FSHR: variants seen among roughly 807,000 people sequenced by gnomAD.
The protein encoded by FSHR is follicle-stimulating hormone receptor.
A neutral mutation model predicts 52.1 loss-of-function variants in FSHR; 46 were observed. The observed-to-expected ratio is 0.88, with a 90% CI of 0.70 to 1.13. The LOEUF is 1.13. Ranked by LOEUF, FSHR falls within the 50% of genes most tolerant of loss-of-function variation. The pLI is 0.00. For missense variants in FSHR, 964 were observed against 834.6 expected (o/e 1.16, Z -1.91); for synonymous variants, 399 against 309.6 (o/e 1.29, Z -3.03).
Position 48,962,865 on chromosome 2 carries a change from T to C in FSHR, c.1956A>G (p.Gln652=). The change falls in exon 10 of 10, where the codon CAA becomes CAG. Residue 652 remains glutamine (Q), a synonymous_variant. Transcript: ENST00000406846. ...TGGATGAAGTTTCTGTCCTATAAAT[T>C]TGGGCTTGCATTTCATAGCAGCCAC... is the stretch of plus-strand genomic sequence containing the variant. ...SKCGCYEMQA[Q]IYRTETSSTV... The C allele has an allele frequency of 6.2e-7, 1 of 1,614,114 alleles. No individual in the cohort carries two copies. Among genetic ancestry groups the C allele is most frequent in the Non-Finnish European group, 8.5e-7 (1 of 1,180,008 alleles).
intron 1 of FSHR, among the ~76,000 whole-genome samples, chr2:49,075,737 G>T (rs1266265122): frequency 6.6e-6 from 1 of 151,744 alleles, no homozygotes; most frequent in Non-Finnish European, 1.5e-5. Flanking sequence ...AATTGATCCT[G>T]CCCCCTCAAC....
At position 49,077,569 on chromosome 2, in the gene FSHR, A is replaced by G. The variant is rs1219076053; in HGVS notation, c.153-9279T>C. On this transcript the variant is annotated intron_variant, in intron 1 of 9. Coordinates refer to ENST00000406846, the MANE Select transcript of FSHR (RefSeq NM_000145.4). ...AGCTGCTTGTTACTTACGCAAATTT[A>G]CGCAGCCAGCTTGACTATTTCCTCA... 3.3e-5 allele frequency among the ~76,000 whole-genome samples: 5 copies of G among 152,270 alleles called. No individual in the cohort carries two copies. In the East Asian group the frequency reaches 9.7e-4, roughly 29 times the overall value.
At chr2:49,016,561 G>T (rs1250016478) in intron 4 of FSHR, among the ~76,000 whole-genome samples, 1 of 152,144 alleles carries the variant, frequency 6.6e-6, no homozygotes, top group African/African-American at 2.4e-5. Flanking sequence ...GCCATCCAGA[G>T]TGGCCAACAT....
intron 2 of FSHR, among the ~76,000 whole-genome samples, chr2:49,024,594 T>C (rs1484737818): frequency 6.6e-6 from 1 of 152,078 alleles, no homozygotes; most frequent in East Asian, 1.9e-4. Flanking sequence ...ACAATAAAAA[T>C]AAAAGAATAA....
chr2:49,119,935 TG>T (rs1671748507), intron 1 of FSHR, among the ~76,000 whole-genome samples: 1 of 152,146 alleles, frequency 6.6e-6, no homozygotes, highest in South Asian at 2.1e-4. Flanking sequence ...GTACAGCAAG[TG>T]GCAGTGGCAG....
At chr2:49,090,954 AT>A (rs1178245927) in intron 1 of FSHR, among the ~76,000 whole-genome samples, 7 of 151,692 alleles carry the variant, frequency 4.6e-5, no homozygotes, top group East Asian at 1.9e-4. Context: ...GATTAAAAAA[AT>A]TTTTTTTCTT....
intron 1 of FSHR, among the ~76,000 whole-genome samples, chr2:49,087,164 A>T (rs1273183966): frequency 6.7e-6 from 1 of 149,924 alleles, no homozygotes; most frequent in African/African-American, 2.5e-5. Flanking sequence ...GAATAACAAC[A>T]CAAATAAACA....
chr2:48,982,836 C>T (rs192305842), intron 8 of FSHR, 76 bp downstream of exon 8: 210 of 1,266,670 alleles, frequency 1.7e-4, no homozygotes, highest in Non-Finnish European at 6.0e-5. Context: ...GGAAGCTTCT[C>T]CCCTAGCTGC....
chr2:49,075,421 A>T (rs1558426340), intron 1 of FSHR, among the ~76,000 whole-genome samples: 1 of 149,084 alleles, frequency 6.7e-6, no homozygotes, highest in Non-Finnish European at 1.5e-5. Context: ...AAGAATAAAA[A>T]TTCATTAAAA....
intron 1 of FSHR, among the ~76,000 whole-genome samples, chr2:49,075,150 A>C (rs1669901292): frequency 1.3e-5 from 2 of 152,264 alleles, no homozygotes; most frequent in South Asian, 4.1e-4. Flanking sequence ...TATAGTTAAC[A>C]ATAATATATA....
chr2:49,086,558 C>T (rs535746451), intron 1 of FSHR, among the ~76,000 whole-genome samples: 81 of 152,280 alleles, frequency 5.3e-4, no homozygotes, highest in South Asian at 5.2e-3. Flanking sequence ...TAATCACCTG[C>T]GGAAGATTTT....
chr2:49,071,351 A>G (rs903573200), intron 1 of FSHR, among the ~76,000 whole-genome samples: 7 of 152,192 alleles, frequency 4.6e-5, no homozygotes, highest in Non-Finnish European at 7.3e-5. Context: ...CAAATAAAAA[A>G]TAATTAGAAA....
At chr2:49,082,462 G>A (rs6756514) in intron 1 of FSHR, among the ~76,000 whole-genome samples, 6,270 of 152,268 alleles carry the variant, frequency 0.041, 430 homozygotes, top group African/African-American at 0.14. Context: ...AAGGAACGCA[G>A]TTCCTCACCA....
intron 1 of FSHR, among the ~76,000 whole-genome samples, chr2:49,089,581 A>T (rs2103685801): frequency 6.6e-6 from 1 of 152,316 alleles, no homozygotes; most frequent in Non-Finnish European, 1.5e-5. Flanking sequence ...ACCGCGTGTA[A>T]CAAAACAACA....
intron 2 of FSHR, among the ~76,000 whole-genome samples, chr2:49,054,126 G>T (rs1558413394): frequency 6.6e-6 from 1 of 152,126 alleles, no homozygotes; most frequent in Non-Finnish European, 1.5e-5. Context: ...CAGAGAATTT[G>T]ATCTGTTTAA....
intron 1 of FSHR, among the ~76,000 whole-genome samples, chr2:49,090,035 G>A (rs1670542603): frequency 1.3e-5 from 2 of 152,078 alleles, no homozygotes; most frequent in Non-Finnish European, 2.9e-5. Flanking sequence ...CATTTTCCAG[G>A]GTTGTTTATC....
intron 2 of FSHR, among the ~76,000 whole-genome samples, chr2:49,065,007 C>A (rs1455898029): frequency 6.6e-6 from 1 of 152,126 alleles, no homozygotes; most frequent in African/African-American, 2.4e-5. Flanking sequence ...TTTGTTGATT[C>A]ATTCCCCTGC....
rs1301971448 is a variant in FSHR at position 48,990,644 on chromosome 2, A to G, written c.375-7T>C. ...ACCTGTGTTGGATATTAACCTAGAG[A>G]GAAACAAAATGAGAGTGAGTGAAAA... On this transcript the variant is annotated splice_polypyrimidine_tract_variant and splice_region_variant and intron_variant, in intron 4 of 9. Coordinates refer to ENST00000406846, the MANE Select transcript of FSHR (RefSeq NM_000145.4). 4 of 1,574,904 alleles carry G rather than the reference A, an allele frequency of 2.5e-6. No homozygotes were observed. Among genetic ancestry groups the G allele is most frequent in the South Asian group, 1.1e-5 (1 of 90,296 alleles).
intron 1 of FSHR, among the ~76,000 whole-genome samples, chr2:49,097,768 G>A (rs1037171155): frequency 3.9e-5 from 6 of 152,274 alleles, no homozygotes; most frequent in East Asian, 1.9e-4. Flanking sequence ...AACTAGAAAA[G>A]TAAGTTTTAA....
Sources: allele counts gnomAD v4.1 joint callset (sites outside exome capture counted in the v4.1 genomes callset), GRCh38; gene constraint gnomAD v4.1.1; transcripts MANE v1.5; gene names NCBI Gene and HGNC (gene_info 2026-07-23, HGNC 2026-07-21).